Variants in GCDH observed in about 807,000 individuals in gnomAD.
GCDH encodes glutaryl-CoA dehydrogenase, mitochondrial.
GCDH carries 31 observed loss-of-function variants against 52.8 expected under a neutral mutation model. The ratio of observed to expected loss-of-function variants is 0.59; its 90% CI spans 0.44 to 0.79. The LOEUF (loss-of-function observed/expected upper bound fraction) is 0.79, where lower values mean the gene tolerates loss of function less well. Among genes scored for constraint, GCDH ranks in the 30% least tolerant of loss-of-function variants. The pLI is 0.00. For missense variants in GCDH, 509 were observed against 595.0 expected (o/e 0.86, Z 1.50); for synonymous variants, 242 against 250.0 (o/e 0.97, Z 0.30).
At chr19:12,895,886 C>A in intron 6 of GCDH, 106 bp from the exon 7 acceptor site, 1 of 1,419,378 alleles carries the variant, frequency 7.0e-7, no homozygotes, top group Non-Finnish European at 9.8e-7. Flanking sequence ...TCCTAAAGTG[C>A]TGGGATGACA....
intron 11 of GCDH, chr19:12,899,173 G>A: frequency 3.1e-6 from 2 of 647,732 alleles, no homozygotes; most frequent in South Asian, 3.8e-5. Context: ...GGCAGGGGCT[G>A]GACTTGCTAC....
Position 12,892,198 on chromosome 19 carries a change from C to T in GCDH, c.334+20C>T. 1 of 1,594,494 alleles carries T rather than the reference C, an allele frequency of 6.3e-7. No individual in the cohort carries two copies. The highest frequency in any genetic ancestry group is 8.6e-7 in the Non-Finnish European group (1 of 1,162,040). ...TCAAAGGTAGGAACAAGTATCTCTC[C>T]ACACACTGCAGAACCCTCTGTATTC... is the stretch of plus-strand genomic sequence containing the variant. On this transcript the variant is annotated intron_variant, in intron 5 of 11. Transcript: ENST00000222214.
chr19:12,898,537 G>T (rs1036996434), intron 11 of GCDH, among the ~76,000 whole-genome samples: 1 of 151,246 alleles, frequency 6.6e-6, no homozygotes, highest in Admixed American at 6.6e-5. Flanking sequence ...GGGGGGTGGG[G>T]GGATCCTACA....
chr19:12,894,118 T>A (rs1970619055), intron 6 of GCDH: 1 of 1,199,010 alleles, frequency 8.3e-7, no homozygotes. Flanking sequence ...CTCGGAGGTG[T>A]TCAGCTGCTT....
intron 5 of GCDH, 31 bp downstream of exon 5, chr19:12,892,209 G>T (rs1313761662): frequency 1.3e-6 from 2 of 1,567,686 alleles, no homozygotes; most frequent in Admixed American, 3.3e-5. Flanking sequence ...ACACACTGCA[G>T]AACCCTCTGT....
At position 12,897,913 on chromosome 19, in the gene GCDH, G is replaced by C. The variant is rs779873051; in HGVS notation, c.1243+50G>C. 9.2e-6 allele frequency: 14 copies of C among 1,528,516 alleles called. No individual in the cohort carries two copies. The Admixed American group carries it at 1.2e-4, about 13-fold the overall frequency. The allele number at this position is 1,528,516 out of a possible 1,614,324, so 94.7% of individuals were successfully genotyped here. A position where few individuals can be genotyped will look rare whatever the true frequency, so the allele number is the denominator to read the frequency against. ...CACTGAGGCCTCAGTGTCTGGGGAGGGGGTACAGGGAGGTGGGACGGGGAC... is the reference window on the plus strand; with the variant it reads ...CACTGAGGCCTCAGTGTCTGGGGAGCGGGTACAGGGAGGTGGGACGGGGAC... On this transcript the variant is annotated intron_variant, in intron 11 of 11. Transcript: ENST00000222214.
At chr19:12,894,472 GT>G in intron 6 of GCDH, 1 of 721,950 alleles carries the variant, frequency 1.4e-6, no homozygotes, top group Non-Finnish European at 2.6e-6. Context: ...CTTGGTTATT[GT>G]AAAAAAAAGG....
At chr19:12,892,240 C>A in intron 5 of GCDH, 62 bp downstream of exon 5, 1 of 1,286,110 alleles carries the variant, frequency 7.8e-7, no homozygotes, top group Non-Finnish European at 1.1e-6. Context: ...CCTCTTCCTC[C>A]TTCCCTCCCT....
chr19:12,893,672 G>A lies in GCDH; in HGVS notation c.505+19G>A. 3 of 1,608,828 alleles carry A rather than the reference G, an allele frequency of 1.9e-6. No homozygotes were observed. The East Asian group carries it at 6.7e-5, about 36-fold the overall frequency. ...CAGCTGGGTGAGTGGCTGCCCATGG[G>A]GCCTGGTGGAAGGAAGACAGTCTCT... On this transcript the variant is annotated intron_variant, in intron 6 of 11. Transcript: ENST00000222214.
intron 11 of GCDH, chr19:12,898,836 A>C (rs73505329): frequency 5.7e-6 from 1 of 174,614 alleles, no homozygotes; most frequent in African/African-American, 2.4e-5. Flanking sequence ...GGCTCTAAAA[A>C]GGAGGCTACA....
In GCDH at chr19:12,894,347, G is replaced by A. The variant is rs145802714; in HGVS notation, c.505+694G>A. ...AAACAGGGTGTCTTGACCCATGGCC[G>A]TGTCCACTTGCTACTGAGTAAGGGG... On this transcript the variant is annotated intron_variant, in intron 6 of 11. Transcript: ENST00000222214. 1.0e-3 allele frequency: 772 copies of A among 767,724 alleles called. 6 individuals are homozygous for A. In the African/African-American group the frequency reaches 0.011, roughly 11 times the overall value. The allele number at this position is 767,724 out of a possible 1,614,324, so 47.6% of individuals were successfully genotyped here.
In GCDH at chr19:12,891,387, C is replaced by T. The variant is rs766420488; in HGVS notation, c.83C>T (p.Ala28Val). ...HVLRTWVSSA[A>V]QTEKGGRTQS... ...CTTCGCACGTGGGTCTCGTCGGCGG[C>T]GCAGACCGGTCAGTGTGGGGTCGGG... Residue 28 changes from alanine (A) to valine (V), a missense_variant, in exon 2 of 12, where the codon GCG becomes GTG. Coordinates refer to ENST00000222214, the MANE Select transcript of GCDH (RefSeq NM_000159.4). 7 of 1,614,060 alleles carry T rather than the reference C, an allele frequency of 4.3e-6. No individual in the cohort carries two copies. Among genetic ancestry groups the T allele is most frequent in the South Asian group, 1.1e-5 (1 of 91,078 alleles).
At chr19:12,893,837 C>T (rs753133486) in intron 6 of GCDH, 184 bp downstream of exon 6, 6 of 669,082 alleles carry the variant, frequency 9.0e-6, no homozygotes, top group Non-Finnish European at 1.6e-5. Context: ...CTGACTGTCC[C>T]CCTCTGTGAC....
Position 12,898,394 on chromosome 19 carries a change from G to A in GCDH, c.1243+531G>A, listed in dbSNP as rs370690305. The A allele has an allele frequency of 2.0e-4, 33 of 166,640 alleles. 1 individual carries two copies. The South Asian group carries it at 2.7e-3, about 14-fold the overall frequency. The allele number at this position is 166,640 out of a possible 1,614,324, so 10.3% of individuals were successfully genotyped here. ...AAAAAAAAGTGCAAACCCAGCATGC[G>A]CTATGTAGAAATAGAGGGAGGTATG... is the stretch of plus-strand genomic sequence containing the variant. On this transcript the variant is annotated intron_variant, in intron 11 of 11. Transcript: ENST00000222214.
Position 12,891,283 on chromosome 19 carries a change from G to C in GCDH, c.-22G>C. 4 of 1,596,214 alleles carry C rather than the reference G, an allele frequency of 2.5e-6. No homozygotes were observed. The highest frequency in any genetic ancestry group is 3.4e-6 in the Non-Finnish European group (4 of 1,175,822). On this transcript the variant is annotated 5_prime_UTR_variant, in exon 2 of 12. Transcript: ENST00000222214. ...CCCGCTCCTGTAGGTCGCCGTCGTT[G>C]CTCCGCTCGCTCTGAGAGAGCATGG...
chr19:12,891,528 G>T lies in GCDH; in HGVS notation c.127+6G>T, dbSNP rs760536298. ...ACAGAGCCAACTGGCTAAGTGTAAG[G>T]ACCTCTGGTCGCACCGTGTGTCTGC... On this transcript the variant is annotated splice_donor_region_variant and intron_variant, in intron 3 of 11. Transcript: ENST00000222214. 4 of 1,614,196 alleles carry T rather than the reference G, an allele frequency of 2.5e-6. No homozygotes were observed. Among genetic ancestry groups the T allele is most frequent in the Non-Finnish European group, 3.4e-6 (4 of 1,180,014 alleles).
rs1339380692 is a variant in GCDH, at chr19:12,891,927, G to C, written c.224G>C (p.Cys75Ser). 5 of 1,614,084 alleles carry C rather than the reference G, an allele frequency of 3.1e-6. No individual in the cohort carries two copies. Among genetic ancestry groups the C allele is most frequent in the Non-Finnish European group, 4.2e-6 (5 of 1,180,038 alleles). Residue 75 changes from cysteine (C) to serine (S), a missense_variant, in exon 4 of 12, where the codon TGC becomes TCC. Coordinates refer to ENST00000222214, the MANE Select transcript of GCDH (RefSeq NM_000159.4). The part of the protein sequence containing the change: ...ILIRDTFRTY[C>S]QERLMPRILL... ...ATCAGGGACACCTTCCGCACCTACT[G>C]CCAGGAGAGACTCATGCCTCGCATC...
rs1368135973 is a variant in GCDH, at chr19:12,891,209, A to G, written c.-35+7A>G. On this transcript the variant is annotated splice_region_variant and intron_variant, in intron 1 of 11. Transcript: ENST00000222214. ...AACCGGGAGGTACTACCAGGTAAGG[A>G]AGGTGCGGTAGCCCCAGCCGTGGGT... 7 of 919,236 alleles carry G rather than the reference A, an allele frequency of 7.6e-6. No individual in the cohort carries two copies. Among genetic ancestry groups the G allele is most frequent in the Non-Finnish European group, 1.0e-5 (6 of 579,444 alleles). The allele number at this position is 919,236 out of a possible 1,614,324, so 56.9% of individuals were successfully genotyped here. A position where few individuals can be genotyped will look rare whatever the true frequency, so the allele number is the denominator to read the frequency against.
Position 12,893,503 on chromosome 19 carries a change from TC to T in GCDH, c.356del (p.Ser119CysfsTer23). On this transcript the variant is annotated frameshift_variant, in exon 6 of 12. Coordinates refer to ENST00000222214, the MANE Select transcript of GCDH (RefSeq NM_000159.4). LOFTEE classifies it high-confidence loss of function. ...TIKGYGCAGV[S>X]SVAYGLLARE... ...ACCAGGATATGGCTGTGCTGGGGTT[TC>T]GTCTGTGGCCTATGGGCTCCTGGCC... 1.2e-6 allele frequency: 2 copies of T among 1,614,132 alleles called. No individual in the cohort carries two copies. The highest frequency in any genetic ancestry group is 1.7e-6 in the Non-Finnish European group (2 of 1,179,976).
Sources: allele counts gnomAD v4.1 joint callset (sites outside exome capture counted in the v4.1 genomes callset), GRCh38; gene constraint gnomAD v4.1.1; transcripts MANE v1.5; gene names NCBI Gene and HGNC (gene_info 2026-07-23, HGNC 2026-07-21).